RPS6KC1: variants seen among roughly 807,000 people sequenced by gnomAD.
RPS6KC1 encodes ribosomal protein S6 kinase C1, also known as inactive ribosomal protein S6 kinase delta-1.
In RPS6KC1, 54 loss-of-function variants were observed where a neutral mutation model predicts 103.8. The observed-to-expected ratio is 0.52, with a 90% CI of 0.42 to 0.65. The LOEUF (loss-of-function observed/expected upper bound fraction) is 0.65. RPS6KC1 is among the 30% of genes least tolerant of loss of function. RPS6KC1 has a pLI of 0.00. For synonymous variants in RPS6KC1, 439 were observed against 438.7 expected, an observed-to-expected ratio of 1.00 and a Z score of -0.01; for missense variants, 1,151 against 1,253.8, an observed-to-expected ratio of 0.92 and a Z score of 1.24.
At chr1:213,312,540 T>A in the RPS6KC1 span, among the ~76,000 whole-genome samples, 1 of 152,118 alleles carries the variant, frequency 6.6e-6, no homozygotes, top group African/African-American at 2.4e-5. Flanking sequence ...GTGCTGCAAC[T>A]CCATCTCCTG....
In RPS6KC1 at chr1:213,114,726, G is replaced by A. The variant is rs577306462; in HGVS notation, c.379-2591G>A. ...GATAGCTTTTATTATTTTGAAATAC[G>A]TCCCATCAATACCTAATTGAGAGTT... On this transcript the variant is annotated intron_variant, in intron 4 of 14. Transcript: ENST00000366960. Among the ~76,000 whole-genome samples the A allele has an allele frequency of 3.9e-5, 6 of 152,170 alleles. No homozygotes were observed. In the South Asian group the frequency reaches 6.2e-4, roughly 16 times the overall value.
chr1:213,572,832 AG>A, the RPS6KC1 span, among the ~76,000 whole-genome samples: 1 of 152,168 alleles, frequency 6.6e-6, no homozygotes, highest in African/African-American at 2.4e-5. Context: ...CGCACTAGGA[AG>A]TGTAGCAAAT....
the RPS6KC1 span, among the ~76,000 whole-genome samples, chr1:213,329,407 T>C: frequency 7.9e-5 from 12 of 152,154 alleles, no homozygotes; most frequent in South Asian, 2.5e-3. Context: ...CCAGACCATC[T>C]AATCCCTTAT....
intron 8 of RPS6KC1, among the ~76,000 whole-genome samples, chr1:213,197,867 AAGACAAC>A (rs895475751): frequency 6.6e-6 from 1 of 152,134 alleles, no homozygotes; most frequent in African/African-American, 2.4e-5. Flanking sequence ...GAGTCTCTTG[AAGACAAC>A]AGATACTTGG....
chr1:213,169,833 G>GT (rs1022346769), intron 7 of RPS6KC1, among the ~76,000 whole-genome samples: 3 of 147,872 alleles, frequency 2.0e-5, no homozygotes, highest in African/African-American at 7.5e-5. Flanking sequence ...CCAGGCTGGA[G>GT]TGCAGTGGCG....
chr1:213,822,587 G>A, the RPS6KC1 span, among the ~76,000 whole-genome samples: 2 of 152,152 alleles, frequency 1.3e-5, no homozygotes, highest in African/African-American at 4.8e-5. Context: ...TAATTGGTAT[G>A]TCCAGATCAA....
the RPS6KC1 span, among the ~76,000 whole-genome samples, chr1:213,743,745 G>T: frequency 6.6e-6 from 1 of 152,186 alleles, no homozygotes; most frequent in Admixed American, 6.5e-5. Context: ...GCTGGGAGAG[G>T]TGCTGATGAT....
At chr1:213,104,700 A>T (rs2082312074) in intron 4 of RPS6KC1, 131 bp downstream of exon 4, 1 of 478,806 alleles carries the variant, frequency 2.1e-6, no homozygotes, top group African/African-American at 2.0e-5. Flanking sequence ...GCTCTATAAT[A>T]ATGTTTATGG....
chr1:213,099,709 G>A (rs2081840101), intron 3 of RPS6KC1, among the ~76,000 whole-genome samples: 1 of 152,020 alleles, frequency 6.6e-6, no homozygotes, highest in African/African-American at 2.4e-5. Context: ...CTATATATTA[G>A]TTTTGTACAT....
the RPS6KC1 span, among the ~76,000 whole-genome samples, chr1:213,466,943 A>G: frequency 3.3e-5 from 5 of 152,102 alleles, no homozygotes; most frequent in African/African-American, 1.2e-4. Flanking sequence ...ATTCTATTAA[A>G]TTGGCAGGCA....
chr1:213,629,481 G>A, the RPS6KC1 span, among the ~76,000 whole-genome samples: 55 of 152,214 alleles, frequency 3.6e-4, no homozygotes, highest in Admixed American at 1.6e-3. Flanking sequence ...GTGTGTTTCC[G>A]CATGTGAGAT....
At chr1:213,595,819 T>C in the RPS6KC1 span, among the ~76,000 whole-genome samples, 1 of 152,216 alleles carries the variant, frequency 6.6e-6, no homozygotes, top group Non-Finnish European at 1.5e-5. Flanking sequence ...GATAATTTCA[T>C]AGGTTTTAAC....
the RPS6KC1 span, among the ~76,000 whole-genome samples, chr1:213,470,687 G>A: frequency 3.6e-5 from 5 of 140,006 alleles, no homozygotes; most frequent in South Asian, 4.5e-4. Context: ...TGACACAATC[G>A]TAGAATGCTG....
At chr1:213,198,665 A>G (rs1226222774) in intron 8 of RPS6KC1, among the ~76,000 whole-genome samples, 4 of 152,264 alleles carry the variant, frequency 2.6e-5, no homozygotes, top group African/African-American at 7.2e-5. Context: ...CTGAGTAAGT[A>G]TGTATATTTT....
intron 6 of RPS6KC1, among the ~76,000 whole-genome samples, chr1:213,151,938 C>T (rs1276586684): frequency 1.6e-5 from 2 of 123,294 alleles, no homozygotes; most frequent in African/African-American, 3.2e-5. Context: ...CTGACCCCCC[C>T]ACCTCCCTCC....
At chr1:213,711,696 G>T in the RPS6KC1 span, among the ~76,000 whole-genome samples, 13 of 152,110 alleles carry the variant, frequency 8.5e-5, no homozygotes, top group Admixed American at 8.5e-4. Context: ...TGGAGTTTTT[G>T]CATGGTCGTC....
chr1:213,537,499 G>A, the RPS6KC1 span, among the ~76,000 whole-genome samples: 1 of 152,180 alleles, frequency 6.6e-6, no homozygotes, highest in Non-Finnish European at 1.5e-5. Flanking sequence ...TAACACTCAT[G>A]TCACAGGTGT....
At chr1:213,242,405 A>G in intron 11 of RPS6KC1, 108 bp downstream of exon 11, 1 of 1,341,492 alleles carries the variant, frequency 7.5e-7, no homozygotes, top group Non-Finnish European at 1.1e-6. Flanking sequence ...CTAGAGCTTC[A>G]TTATCAGTGC....
chr1:213,619,202 T>G, the RPS6KC1 span, among the ~76,000 whole-genome samples: 4 of 152,220 alleles, frequency 2.6e-5, no homozygotes, highest in African/African-American at 9.6e-5. Flanking sequence ...TATCTAGATC[T>G]TCTCATGATC....
Sources: allele counts gnomAD v4.1 joint callset (sites outside exome capture counted in the v4.1 genomes callset), GRCh38; gene constraint gnomAD v4.1.1; transcripts MANE v1.5; gene names NCBI Gene and HGNC (gene_info 2026-07-23, HGNC 2026-07-21).